Variants in DCDC2C observed in about 807,000 individuals in gnomAD.
DCDC2C encodes the protein doublecortin domain containing 2C, also known as doublecortin domain-containing protein 2C.
A neutral mutation model predicts 45.0 loss-of-function variants in DCDC2C; 44 were observed. The ratio of observed to expected loss-of-function variants is 0.98; its 90% confidence interval spans 0.77 to 1.26. The LOEUF (loss-of-function observed/expected upper bound fraction) is 1.26. Among genes scored for constraint, DCDC2C ranks in the 50% most tolerant of loss-of-function variants. DCDC2C has a pLI of 0.00. For missense variants in DCDC2C, 447 were observed against 468.9 expected, an observed-to-expected ratio of 0.95 and a Z score of 0.43; for synonymous variants, 187 against 178.8, an observed-to-expected ratio of 1.05 and a Z score of -0.37.
intron 10 of DCDC2C, among the ~76,000 whole-genome samples, chr2:3,823,761 T>G (rs1433680145): frequency 6.6e-6 from 1 of 152,260 alleles, no homozygotes; most frequent in Admixed American, 6.5e-5. Context: ...AGAATTTTCA[T>G]CTTTTTGAAT....
At chr2:3,757,064 A>AT (rs1012956608) in intron 6 of DCDC2C, among the ~76,000 whole-genome samples, 3 of 151,946 alleles carry the variant, frequency 2.0e-5, no homozygotes, top group African/African-American at 7.3e-5. Flanking sequence ...CTCAGTATTA[A>AT]TTTTTTTTGG....
chr2:3,843,935 T>C (rs895349604), intron 10 of DCDC2C, among the ~76,000 whole-genome samples: 4 of 152,188 alleles, frequency 2.6e-5, no homozygotes, highest in African/African-American at 7.2e-5. Flanking sequence ...AAAAGTATTT[T>C]TGTTAGTATT....
chr2:3,793,284 T>C (rs1394411182), intron 10 of DCDC2C, among the ~76,000 whole-genome samples: 3 of 152,346 alleles, frequency 2.0e-5, no homozygotes, highest in East Asian at 3.9e-4. Flanking sequence ...TAGGCACAGA[T>C]TGCATATGAA....
intron 10 of DCDC2C, among the ~76,000 whole-genome samples, chr2:3,807,788 GT>G: frequency 6.6e-6 from 1 of 151,798 alleles, no homozygotes; most frequent in African/African-American, 2.4e-5. Flanking sequence ...CTGTCCCCTG[GT>G]TTTACCCTTT....
rs1670054953 is a variant in DCDC2C, at chr2:3,767,845, A to G, written c.818A>G (p.Lys273Arg). The G allele has an allele frequency of 6.5e-7, 1 of 1,543,244 alleles. No individual in the cohort carries two copies. The highest frequency in any genetic ancestry group is 8.7e-7 in the Non-Finnish European group (1 of 1,144,788). Reference sequence around the variant, plus strand: ...TATTATGCCAAAGAAGAAAAGAAGAAAACATTGGCAGAACCTTTAGTCCAA... The same window carrying G: ...TATTATGCCAAAGAAGAAAAGAAGAGAACATTGGCAGAACCTTTAGTCCAA... Reference protein sequence around the residue: ...SVYYAKEEKKKTLAEPLVQRG... With the variant: ...SVYYAKEEKKRTLAEPLVQRG... The change falls in exon 7 of 11, where the codon AAA becomes AGA. Residue 273 changes from lysine (K) to arginine (R), a missense_variant. Coordinates refer to ENST00000399143, the MANE Select transcript of DCDC2C (RefSeq NM_001287444.2).
At chr2:3,843,301 T>C (rs1009950601) in intron 10 of DCDC2C, among the ~76,000 whole-genome samples, 7 of 151,942 alleles carry the variant, frequency 4.6e-5, no homozygotes, top group Non-Finnish European at 7.4e-5. Context: ...AGAATGAAAT[T>C]GGAGTTGAGG....
At chr2:3,815,419 C>T (rs896101258) in intron 10 of DCDC2C, among the ~76,000 whole-genome samples, 2 of 152,230 alleles carry the variant, frequency 1.3e-5, no homozygotes, top group African/African-American at 4.8e-5. Flanking sequence ...GAAGGATTCA[C>T]ATGCTTATTA....
chr2:3,739,712 C>G (rs1163649723), intron 3 of DCDC2C, among the ~76,000 whole-genome samples: 1 of 152,226 alleles, frequency 6.6e-6, no homozygotes, highest in Non-Finnish European at 1.5e-5. Flanking sequence ...TCTCCAAGCC[C>G]ACATGTGATC....
At chr2:3,708,704 G>T (rs1668132039) in intron 2 of DCDC2C, 104 bp downstream of exon 2, 1 of 844,976 alleles carries the variant, frequency 1.2e-6, no homozygotes, top group Admixed American at 2.3e-5. Flanking sequence ...AGCAGTAAAT[G>T]CCTGCAGAGA....
intron 10 of DCDC2C, among the ~76,000 whole-genome samples, chr2:3,809,835 CAT>C (rs1671347418): frequency 6.6e-6 from 1 of 152,022 alleles, no homozygotes; most frequent in East Asian, 1.9e-4. Flanking sequence ...TGAGTGAGAA[CAT>C]GTGGTGTTTT....
chr2:3,785,181 A>C (rs1040076129), intron 10 of DCDC2C, 81 bp downstream of exon 10: 71 of 1,076,868 alleles, frequency 6.6e-5, no homozygotes, highest in Non-Finnish European at 8.3e-5. Flanking sequence ...CGGATCCCCA[A>C]ATCTTCTCAG....
At chr2:3,733,205 A>G (rs1441458558) in intron 3 of DCDC2C, among the ~76,000 whole-genome samples, 1 of 152,228 alleles carries the variant, frequency 6.6e-6, no homozygotes, top group Non-Finnish European at 1.5e-5. Context: ...TCAGTGAAGG[A>G]AGGGTCCAGT....
intron 4 of DCDC2C, among the ~76,000 whole-genome samples, chr2:3,749,755 G>A (rs1016449095): frequency 1.3e-5 from 2 of 152,212 alleles, no homozygotes; most frequent in African/African-American, 4.8e-5. Flanking sequence ...CATCTCCCAA[G>A]TCCTGCGCTG....
intron 2 of DCDC2C, among the ~76,000 whole-genome samples, chr2:3,710,851 A>G (rs1668188797): frequency 6.6e-6 from 1 of 152,196 alleles, no homozygotes; most frequent in Non-Finnish European, 1.5e-5. Context: ...TTCTTTATCC[A>G]GTCCACCACT....
chr2:3,777,678 C>A (rs772236481), intron 8 of DCDC2C, among the ~76,000 whole-genome samples: 5 of 152,182 alleles, frequency 3.3e-5, no homozygotes, highest in Non-Finnish European at 7.3e-5. Flanking sequence ...GCTCATACAG[C>A]CTTGGTCTGA....
chr2:3,771,494 G>C (rs954801993), intron 8 of DCDC2C, among the ~76,000 whole-genome samples: 2 of 149,760 alleles, frequency 1.3e-5, no homozygotes, highest in Admixed American at 6.7e-5. Context: ...CGGTGCACAT[G>C]AGTGTATTGT....
intron 6 of DCDC2C, among the ~76,000 whole-genome samples, chr2:3,757,319 G>A (rs914999079): frequency 3.3e-5 from 5 of 152,032 alleles, no homozygotes; most frequent in East Asian, 1.9e-4. Flanking sequence ...AAATACAGGC[G>A]TGCTCTTCAT....
chr2:3,761,335 C>T lies in DCDC2C; in HGVS notation c.727-6419C>T, dbSNP rs1466155239. ...ATAGAGCACAAGTGTTCGTAGTGAA[C>T]GGTAATGAAAAGGAGATAAAGCATA... On this transcript the variant is annotated intron_variant, in intron 6 of 10. Transcript: ENST00000399143. This position sits in a 1 kb window ranked among gnomAD's most constrained non-coding sequence, Gnocchi z 4.3. 5.9e-5 allele frequency among the ~76,000 whole-genome samples: 9 copies of T among 152,042 alleles called. No individual in the cohort carries two copies. The highest frequency in any genetic ancestry group is 3.8e-4 in the East Asian group (2 of 5,196).
chr2:3,771,784 A>G (rs1450891374), intron 8 of DCDC2C, among the ~76,000 whole-genome samples: 2 of 151,854 alleles, frequency 1.3e-5, no homozygotes, highest in African/African-American at 4.8e-5. Context: ...GCCTGGCCCC[A>G]CTCTGCGCCT....
Sources: gnomAD v4.1 joint callset for allele counts (sites outside exome capture counted in the v4.1 genomes callset) on GRCh38, gnomAD v4.1.1 for gene constraint, Gnocchi (gnomAD v3.1) non-coding constraint, MANE v1.5 for transcripts, NCBI Gene and HGNC (gene_info 2026-07-23, HGNC 2026-07-21) for gene names.